The following NBAS variants were observed in gnomAD, a reference collection of about 807,000 sequenced individuals.
NBAS encodes the protein NAG/BC035112 fusion.
A neutral mutation model predicts 302.5 loss-of-function variants in NBAS; 219 were observed. The ratio of observed to expected loss-of-function variants is 0.72; its 90% CI spans 0.65 to 0.81. The LOEUF is 0.81. Among genes scored for constraint, NBAS ranks in the 30% least tolerant of loss-of-function variants. The probability of loss-of-function intolerance (pLI) is 0.00; values close to 1 mark genes in which losing one functional copy is unlikely to be tolerated. For missense variants in NBAS, 2,932 were observed against 2,841.6 expected, an observed-to-expected ratio of 1.03 and a Z score of -0.72; for synonymous variants, 1,118 against 1,021.6, an observed-to-expected ratio of 1.09 and a Z score of -1.80.
At chr2:14,882,118 C>T in the NBAS span, among the ~76,000 whole-genome samples, 10 of 152,174 alleles carry the variant, frequency 6.6e-5, no homozygotes, top group East Asian at 1.2e-3. Context: ...TCTCCCCATC[C>T]GTACACTCAG....
chr2:15,491,553 A>G (rs979624002), intron 11 of NBAS, among the ~76,000 whole-genome samples: 6 of 152,036 alleles, frequency 3.9e-5, no homozygotes, highest in Non-Finnish European at 8.8e-5. Context: ...TGGCTAACAC[A>G]GTGAAACCCC....
At chr2:15,398,126 T>C (rs1423704913) in intron 26 of NBAS, among the ~76,000 whole-genome samples, 1 of 93,096 alleles carries the variant, frequency 1.1e-5, no homozygotes, top group Non-Finnish European at 2.6e-5. Context: ...TGTTTTTTTG[T>C]TTGTTTGTTT....
At chr2:15,088,268 T>C in the NBAS span, among the ~76,000 whole-genome samples, 1 of 152,220 alleles carries the variant, frequency 6.6e-6, no homozygotes, top group Admixed American at 6.5e-5. Context: ...TTGAACTCCA[T>C]ACAAGACTTT....
intron 50 of NBAS, among the ~76,000 whole-genome samples, chr2:15,185,017 C>A (rs988063574): frequency 3.2e-4 from 49 of 152,278 alleles, no homozygotes; most frequent in African/African-American, 1.1e-3. Flanking sequence ...CTGACAGTAA[C>A]ATTTATACAA....
At chr2:15,000,799 T>G in the NBAS span, among the ~76,000 whole-genome samples, 1 of 152,174 alleles carries the variant, frequency 6.6e-6, no homozygotes, top group Admixed American at 6.5e-5. Context: ...ATGACAGTAG[T>G]GATCAGGCTC....
At chr2:15,306,302 C>T (rs1042585554) in intron 40 of NBAS, among the ~76,000 whole-genome samples, 3 of 152,140 alleles carry the variant, frequency 2.0e-5, no homozygotes, top group African/African-American at 7.2e-5. Context: ...ACAAAAAACA[C>T]CATTCCCAAA....
intron 35 of NBAS, among the ~76,000 whole-genome samples, chr2:15,340,094 A>T (rs1010980323): frequency 6.6e-6 from 1 of 152,182 alleles, no homozygotes; most frequent in African/African-American, 2.4e-5. Context: ...TTCTACTCTG[A>T]GTGAAAGGTT....
At chr2:14,858,804 T>C in the NBAS span, among the ~76,000 whole-genome samples, 5 of 152,112 alleles carry the variant, frequency 3.3e-5, no homozygotes, top group Middle Eastern at 3.4e-3. Flanking sequence ...TGCACATTTT[T>C]AAAAACTAAA....
At chr2:15,161,958 C>T (rs1235863997), downstream of NBAS, among the ~76,000 whole-genome samples, 1 of 152,168 alleles carries the variant, frequency 6.6e-6, no homozygotes, top group Non-Finnish European at 1.5e-5. Flanking sequence ...ATGGTCAATA[C>T]CTATAGTCTA....
At chr2:14,896,957 G>A in the NBAS span, among the ~76,000 whole-genome samples, 2 of 152,136 alleles carry the variant, frequency 1.3e-5, no homozygotes, top group African/African-American at 4.8e-5. Flanking sequence ...GCAAGTCCTA[G>A]TTGGAGGCCC....
chr2:14,944,218 T>G, the NBAS span, among the ~76,000 whole-genome samples: 8 of 152,126 alleles, frequency 5.3e-5, no homozygotes, highest in Non-Finnish European at 8.8e-5. Flanking sequence ...GAGAATGGCG[T>G]GAACCCGGGA....
intron 9 of NBAS, among the ~76,000 whole-genome samples, chr2:15,513,462 G>A (rs561084069): frequency 6.9e-4 from 105 of 152,186 alleles, no homozygotes; most frequent in African/African-American, 2.4e-3. Flanking sequence ...TATATCTAGT[G>A]CAGATAAAAT....
At chr2:15,049,394 G>A in the NBAS span, among the ~76,000 whole-genome samples, 9 of 152,170 alleles carry the variant, frequency 5.9e-5, no homozygotes, top group African/African-American at 2.4e-5. Context: ...TTCTGGGCTT[G>A]TGCCCACCTC....
intron 44 of NBAS, among the ~76,000 whole-genome samples, chr2:15,256,155 T>C (rs1033164824): frequency 2.6e-5 from 4 of 152,176 alleles, no homozygotes; most frequent in African/African-American, 9.7e-5. Context: ...ATATGGTCAT[T>C]TTCACAATAT....
At chr2:15,158,626 C>A in the NBAS span, among the ~76,000 whole-genome samples, 4 of 152,212 alleles carry the variant, frequency 2.6e-5, no homozygotes, top group Non-Finnish European at 5.9e-5. Flanking sequence ...GGTAGAAGAG[C>A]CTTCCTCCCT....
intron 47 of NBAS, among the ~76,000 whole-genome samples, chr2:15,226,916 T>G (rs1220152715): frequency 1.3e-5 from 2 of 152,192 alleles, no homozygotes; most frequent in Non-Finnish European, 2.9e-5. Context: ...TCTCTTGTCT[T>G]ATTGCTCTGA....
the NBAS span, among the ~76,000 whole-genome samples, chr2:14,847,980 T>C: frequency 6.6e-6 from 1 of 152,266 alleles, no homozygotes; most frequent in South Asian, 2.1e-4. Flanking sequence ...GAGAGGAATT[T>C]TGGAAACAAT....
intron 15 of NBAS, 58 bp from the exon 16 acceptor site, chr2:15,473,405 T>C: frequency 3.1e-6 from 5 of 1,594,802 alleles, no homozygotes; most frequent in Non-Finnish European, 4.3e-6. Flanking sequence ...CACAGGGTCC[T>C]GATGATGATA....
At chr2:14,863,126 C>T in the NBAS span, among the ~76,000 whole-genome samples, 1 of 152,184 alleles carries the variant, frequency 6.6e-6, no homozygotes, top group African/African-American at 2.4e-5. Context: ...GGCACATCTG[C>T]TCTGCAGAAG....
Sources: gnomAD v4.1 joint callset for allele counts (sites outside exome capture counted in the v4.1 genomes callset) on GRCh38, gnomAD v4.1.1 for gene constraint, MANE v1.5 for transcripts, NCBI Gene and HGNC (gene_info 2026-07-23, HGNC 2026-07-21) for gene names.